The following FKBP15 variants were observed in gnomAD, a reference collection of about 807,000 sequenced individuals.
FKBP15 encodes FKBP prolyl isomerase family member 15, also known as FK506-binding protein 15.
Under a neutral mutation model 158.1 loss-of-function variants are expected in FKBP15, and 106 were observed. That is an observed-to-expected ratio of 0.67 (90% confidence interval 0.57 to 0.79). FKBP15 has a LOEUF of 0.79. Ranked by LOEUF, FKBP15 falls within the 30% of genes least tolerant of loss-of-function variation. FKBP15 has a pLI of 0.00. For missense variants in FKBP15, 1,287 were observed against 1,479.1 expected (o/e 0.87, Z 2.13); for synonymous variants, 547 against 548.6 (o/e 1.00, Z 0.04).
chr9:113,214,633 A>C (rs1436966989), intron 1 of FKBP15, among the ~76,000 whole-genome samples: 1 of 152,208 alleles, frequency 6.6e-6, no homozygotes. Context: ...CTTCAACTTT[A>C]AGTCACCAGC....
intron 4 of FKBP15, among the ~76,000 whole-genome samples, chr9:113,203,453 C>T (rs1412736635): frequency 6.6e-6 from 1 of 152,102 alleles, no homozygotes; most frequent in Non-Finnish European, 1.5e-5. Context: ...CAGGAAGCTC[C>T]CTCATGCCCT....
chr9:113,203,263 T>A (rs530732099), intron 4 of FKBP15, among the ~76,000 whole-genome samples: 1 of 152,324 alleles, frequency 6.6e-6, no homozygotes, highest in East Asian at 1.9e-4. Context: ...ATTGGCAATG[T>A]CTTCATTTTG....
At position 113,190,468 on chromosome 9, in the gene FKBP15, T is replaced by A. The variant is rs1352233938; in HGVS notation, c.1173+3A>T. ...TCATTCTAATACAGCCAGGGGGACATACTTCGATTTCTGAATCATTGGAAT... is the reference window on the plus strand; with the variant it reads ...TCATTCTAATACAGCCAGGGGGACAAACTTCGATTTCTGAATCATTGGAAT... On this transcript the variant is annotated splice_donor_region_variant and intron_variant, in intron 12 of 27. Coordinates refer to ENST00000238256, the MANE Select transcript of FKBP15 (RefSeq NM_015258.2). 1 of 1,602,298 alleles carries A rather than the reference T, an allele frequency of 6.2e-7. No homozygotes were observed. Among genetic ancestry groups the A allele is most frequent in the Non-Finnish European group, 8.5e-7 (1 of 1,173,016 alleles).
intron 6 of FKBP15, among the ~76,000 whole-genome samples, chr9:113,202,283 A>G (rs1830806755): frequency 6.6e-6 from 1 of 152,182 alleles, no homozygotes; most frequent in South Asian, 2.1e-4. Flanking sequence ...ATTTTTTAAT[A>G]TAATAAGATT....
intron 19 of FKBP15, among the ~76,000 whole-genome samples, chr9:113,180,220 C>T (rs929426700): frequency 2.0e-5 from 3 of 152,100 alleles, no homozygotes; most frequent in African/African-American, 7.2e-5. Context: ...CTAGAAAGGC[C>T]TCTCAGAAGC....
intron 23 of FKBP15, among the ~76,000 whole-genome samples, chr9:113,172,610 C>A (rs1043221823): frequency 6.6e-6 from 1 of 152,144 alleles, no homozygotes; most frequent in Non-Finnish European, 1.5e-5. Flanking sequence ...CCTCATCATT[C>A]GACTTCAACG....
chr9:113,188,674 A>G, intron 12 of FKBP15, 183 bp from the exon 13 acceptor site: 1 of 560,544 alleles, frequency 1.8e-6, no homozygotes. Context: ...CTGCTATGCA[A>G]TAAAGTAAGA....
In FKBP15 at chr9:113,211,670, A is replaced by G. The variant is rs181839869; in HGVS notation, c.54-78T>C. ...ATTATTATAAAAGCTGCTCATCTCC[A>G]ACCTTGAACAAATACCTCCTTGACT... On this transcript the variant is annotated intron_variant, in intron 1 of 27. Coordinates refer to ENST00000238256, the MANE Select transcript of FKBP15 (RefSeq NM_015258.2). 7.1e-5 allele frequency: 70 copies of G among 981,738 alleles called. 1 individual carries two copies. The Middle Eastern group carries it at 1.9e-3, about 27-fold the overall frequency. 60.8% of individuals were successfully genotyped at this position (981,738 alleles called of 1,614,324 possible).
intron 27 of FKBP15, 141 bp downstream of exon 27, chr9:113,168,319 C>A: frequency 1.5e-6 from 1 of 688,130 alleles, no homozygotes; most frequent in Non-Finnish European, 2.5e-6. Context: ...CCAGCCCAGC[C>A]CCAAGCCTGC....
At chr9:113,211,752 T>TAA (rs58018622) in intron 1 of FKBP15, among the ~76,000 whole-genome samples, 160 bp from the exon 2 acceptor site, 81,790 of 149,502 alleles carry the variant, frequency 0.55, 22,542 homozygotes, top group South Asian at 0.62. Flanking sequence ...ATTTAAAAAT[T>TAA]AAAAAAAAAA....
intron 3 of FKBP15, 135 bp from the exon 4 acceptor site, chr9:113,206,713 T>C (rs1000413814): frequency 4.4e-4 from 16 of 36,044 alleles, no homozygotes; most frequent in African/African-American, 1.3e-3. Flanking sequence ...CGGTTTAAAA[T>C]TTTTTTTTTT....
Position 113,161,445 on chromosome 9 carries a change from G to C in FKBP15, c.*4633C>G, listed in dbSNP as rs576055937. 2.4e-5 allele frequency: 34 copies of C among 1,429,328 alleles called. No individual in the cohort carries two copies. The highest frequency in any genetic ancestry group is 3.2e-5 in the Non-Finnish European group (33 of 1,019,370). The allele number at this position is 1,429,328 out of a possible 1,614,324, so 88.5% of individuals were successfully genotyped here. A position where few individuals can be genotyped will look rare whatever the true frequency, so the allele number is the denominator to read the frequency against. On this transcript the variant is annotated 3_prime_UTR_variant, in exon 28 of 28. Coordinates refer to ENST00000238256, the MANE Select transcript of FKBP15 (RefSeq NM_015258.2). ...ATGGAGTGGATTCCATGAACAGGTG[G>C]AGGTGCTGGAAGGGAAACAGTGCTG...
chr9:113,210,296 C>T (rs1356223505), intron 2 of FKBP15, among the ~76,000 whole-genome samples: 1 of 150,224 alleles, frequency 6.7e-6, no homozygotes, highest in Non-Finnish European at 1.5e-5. Context: ...TTCCATCTAA[C>T]CTGTTAAGGC....
In FKBP15 at chr9:113,161,233, T is replaced by A; in HGVS notation, c.*4845A>T. ...ACTTAACAAGAAGTCACGACAGATT[T>A]GTGCAGCCTGCTGGGGGAGTGGGTG... On this transcript the variant is annotated 3_prime_UTR_variant, in exon 28 of 28. Coordinates refer to ENST00000238256, the MANE Select transcript of FKBP15 (RefSeq NM_015258.2). 2.2e-6 allele frequency: 1 copy of A among 454,682 alleles called. No individual in the cohort carries two copies. The highest frequency in any genetic ancestry group is 3.9e-6 in the Non-Finnish European group (1 of 254,712). The allele number at this position is 454,682 out of a possible 1,614,324, so 28.2% of individuals were successfully genotyped here.
At chr9:113,214,290 TAGCCATGAAATGTATTTCTTAAATGGTA>T (rs1316736545) in intron 1 of FKBP15, among the ~76,000 whole-genome samples, 2 of 152,226 alleles carry the variant, frequency 1.3e-5, no homozygotes, top group African/African-American at 2.4e-5. Flanking sequence ...CCACTGTGCT[TAGCCATGAAATGTATTTCTTAAATGGTA>T]AGACCTGATC....
Position 113,170,502 on chromosome 9 carries a change from T to G in FKBP15, c.2766+20A>C, listed in dbSNP as rs565826907. 6.5e-7 allele frequency: 1 copy of G among 1,533,950 alleles called. No individual in the cohort carries two copies. Among genetic ancestry groups the G allele is most frequent in the South Asian group, 1.1e-5 (1 of 89,382 alleles). On this transcript the variant is annotated intron_variant, in intron 25 of 27. Coordinates refer to ENST00000238256, the MANE Select transcript of FKBP15 (RefSeq NM_015258.2). ...AAAATGCCCAATACGATGAAACAAA[T>G]GACAGCTGGCTGGCTGTACCTTGAT...
At chr9:113,215,336 C>T (rs559701859) in intron 1 of FKBP15, among the ~76,000 whole-genome samples, 2 of 150,448 alleles carry the variant, frequency 1.3e-5, no homozygotes, top group East Asian at 3.9e-4. Context: ...GCCAATATTG[C>T]TGAGTCATGG....
intron 11 of FKBP15, among the ~76,000 whole-genome samples, chr9:113,191,614 C>T (rs1830576655): frequency 6.7e-6 from 1 of 148,862 alleles, no homozygotes; most frequent in Non-Finnish European, 1.5e-5. Flanking sequence ...TATACACCAA[C>T]ATGAAAAGAT....
Position 113,184,709 on chromosome 9 carries a change from G to A in FKBP15, c.1594C>T (p.His532Tyr). ...AVSKVADKMD[H>Y]LMTKVEELQK... ...GACTCAGTCACCTTAGTCATGAGAT[G>A]ATCCATTTTATCAGCCACTTTGCTG... is the stretch of plus-strand genomic sequence containing the variant. The change falls in exon 16 of 28, where the codon CAT becomes TAT. Residue 532 changes from histidine to tyrosine, a missense_variant. Transcript: ENST00000238256. The surrounding 1 kb of genome is among the most constrained non-coding windows in gnomAD (Gnocchi z 4.5). 1.2e-6 allele frequency: 2 copies of A among 1,605,632 alleles called. No individual in the cohort carries two copies. Among genetic ancestry groups the A allele is most frequent in the Non-Finnish European group, 1.7e-6 (2 of 1,175,676 alleles).
Sources: gnomAD v4.1 joint callset for allele counts (sites outside exome capture counted in the v4.1 genomes callset) on GRCh38, gnomAD v4.1.1 for gene constraint, Gnocchi (gnomAD v3.1) non-coding constraint, MANE v1.5 for transcripts, NCBI Gene and HGNC (gene_info 2026-07-23, HGNC 2026-07-21) for gene names.